Variants in TEP1 observed in about 807,000 individuals in gnomAD.
TEP1 encodes the protein telomerase associated protein 1.
TEP1 carries 241 observed loss-of-function variants against 306.3 expected under a neutral mutation model. The ratio of observed to expected loss-of-function variants is 0.79; its 90% CI spans 0.71 to 0.88. The LOEUF is 0.88. TEP1 is among the 40% of genes least tolerant of loss of function. The pLI is 0.00. For synonymous variants in TEP1, 1,289 were observed against 1,305.5 expected (o/e 0.99, Z 0.27); for missense variants, 3,051 against 3,276.1 (o/e 0.93, Z 1.68).
Position 20,401,019 on chromosome 14 carries a change from C to G in TEP1, c.1514G>C (p.Arg505Pro), listed in dbSNP as rs770292837. 2 of 1,614,200 alleles carry G rather than the reference C, an allele frequency of 1.2e-6. No homozygotes were observed. Among genetic ancestry groups the G allele is most frequent in the Non-Finnish European group, 1.7e-6 (2 of 1,180,046 alleles). Residue 505 changes from arginine (R) to proline (P), a missense_variant, in exon 9 of 55, where the codon CGG becomes CCG. Coordinates refer to ENST00000262715, the MANE Select transcript of TEP1 (RefSeq NM_007110.5). ...CTCCCAGACCGACGCTTTGTTCCCC[C>G]GTAGGCTCAGCTCCCGCTCCCAGGT... ...PETWERELSL[R>P]GNKASVWEEL... is the part of the protein sequence containing the mutation.
At chr14:20,408,703 C>T (rs747860112) in intron 1 of TEP1, among the ~76,000 whole-genome samples, 15 of 152,118 alleles carry the variant, frequency 9.9e-5, no homozygotes, top group Non-Finnish European at 1.6e-4. Context: ...TGCAGTGGCT[C>T]ATGCCTGTAA....
chr14:20,395,464 T>C lies in TEP1; in HGVS notation c.1914A>G (p.Arg638=). The change falls in exon 12 of 55, where the codon AGA becomes AGG. Residue 638 remains arginine, a synonymous_variant. Coordinates refer to ENST00000262715, the MANE Select transcript of TEP1 (RefSeq NM_007110.5). ...TGCATACATACCTGGCCTTGTGTAC[T>C]CTCAGCTTCTCCCTCTTGAGCTGCT... ...LYEQLKREKL[R]VHKARQWKYD... is the part of the protein sequence containing the mutation. The C allele has an allele frequency of 6.3e-7, 1 of 1,598,366 alleles. No homozygotes were observed. The highest frequency in any genetic ancestry group is 8.6e-7 in the Non-Finnish European group (1 of 1,167,896).
In TEP1 at chr14:20,385,121, A is replaced by G. The variant is rs1485312169; in HGVS notation, c.2983-12T>C. The G allele has an allele frequency of 9.3e-6, 15 of 1,613,468 alleles. No individual in the cohort carries two copies. In the African/African-American group the frequency reaches 1.2e-4, roughly 13 times the overall value. ...GGGTACTGCTGGGCCTGCGGGGAGG[A>G]CAGAGACAGTGAGTTTAGTCCTAGG... On this transcript the variant is annotated splice_polypyrimidine_tract_variant and intron_variant, in intron 20 of 54. Transcript: ENST00000262715.
chr14:20,405,664 A>G, intron 3 of TEP1, 79 bp from the exon 4 acceptor site: 1 of 1,529,860 alleles, frequency 6.5e-7, no homozygotes, highest in Non-Finnish European at 8.8e-7. Flanking sequence ...ACTAACTTAC[A>G]AAGTCAAGGA....
At chr14:20,398,591 A>G (rs536689558) in intron 9 of TEP1, among the ~76,000 whole-genome samples, 4 of 152,194 alleles carry the variant, frequency 2.6e-5, no homozygotes, top group Admixed American at 1.3e-4. Flanking sequence ...CGTAACACAT[A>G]ACACTGTATC....
chr14:20,374,575 T>A (rs1248940051), intron 43 of TEP1, 39 bp from the exon 44 acceptor site: 29 of 1,489,292 alleles, frequency 1.9e-5, no homozygotes, highest in Middle Eastern at 1.7e-4. Context: ...ATTATCAGCA[T>A]CCCTCCAGCA....
Position 20,383,260 on chromosome 14 carries a change from G to C in TEP1, c.3961C>G (p.Leu1321Val), listed in dbSNP as rs750642658. Residue 1321 changes from leucine (L) to valine (V), a missense_variant, in exon 27 of 55, where the codon CTG (leucine) becomes GTG (valine). Transcript: ENST00000262715. ...QGAHVLALGP[L>V]EASARARLVR... ...AGCCGGGCCCGAGCAGAGGCCTCCA[G>C]AGGCCCCAAGGCCAGCACGTGGGCA... 6.2e-7 allele frequency: 1 copy of C among 1,613,998 alleles called. No individual in the cohort carries two copies. The highest frequency in any genetic ancestry group is 1.1e-5 in the South Asian group (1 of 91,044).
Position 20,378,391 on chromosome 14 carries a change from T to C in TEP1, c.5497A>G (p.Lys1833Glu). 1 of 1,614,244 alleles carries C rather than the reference T, an allele frequency of 6.2e-7. No homozygotes were observed. Among genetic ancestry groups the C allele is most frequent in the Non-Finnish European group, 8.5e-7 (1 of 1,180,044 alleles). Residue 1833 changes from lysine to glutamate, a missense_variant, in exon 38 of 55, where the codon AAA (lysine) becomes GAA (glutamate). Transcript: ENST00000262715. ...SISFFQVDGLKVTKDLGAPGA... is the reference protein window; with the variant it reads ...SISFFQVDGLEVTKDLGAPGA... ...CTGGACCTTCTTACCTTGGTGACTT[T>C]GAGCCCATCCACCTGGAAGAAGCTG...
Position 20,373,789 on chromosome 14 carries a change from T to C in TEP1, c.6493A>G (p.Ser2165Gly). 1 of 1,613,486 alleles carries C rather than the reference T, an allele frequency of 6.2e-7. No individual in the cohort carries two copies. Among genetic ancestry groups the C allele is most frequent in the Admixed American group, 1.7e-5 (1 of 60,016 alleles). ...AAVEEHVVSV[S>G]RDGTLKVWDH... ...CACACTTTCAAGGTCCCATCCCGGC[T>C]CACAGACACCACGTGCTCCTCCTGC... is the stretch of plus-strand genomic sequence containing the variant. Residue 2165 changes from serine to glycine, a missense_variant, in exon 45 of 55, where the codon AGC becomes GGC. Transcript: ENST00000262715.
rs1428276266 is a variant in TEP1 at position 20,407,963 on chromosome 14, A to G, written c.477T>C (p.Ala159=). 1.9e-5 allele frequency: 30 copies of G among 1,614,244 alleles called. No individual in the cohort carries two copies. Among genetic ancestry groups the G allele is most frequent in the Non-Finnish European group, 2.5e-5 (30 of 1,180,048 alleles). The change falls in exon 2 of 55, where the codon GCT becomes GCC. Residue 159 remains alanine, a synonymous_variant. Transcript: ENST00000262715. ...CLLSEPPSWR[A]QHFSKGLDLS... ...GGTCTAGTCCCTTAGAGAAATGCTG[A>G]GCCCTCCAACTTGGAGGCTCAGAGA...
intron 12 of TEP1, among the ~76,000 whole-genome samples, chr14:20,394,845 T>G (rs1393527311): frequency 6.6e-6 from 1 of 152,200 alleles, no homozygotes; most frequent in Non-Finnish European, 1.5e-5. Context: ...AGGAGATTCC[T>G]AGTTACTGAG....
chr14:20,387,362 C>T (rs866178183), intron 18 of TEP1, among the ~76,000 whole-genome samples: 173 of 150,176 alleles, frequency 1.2e-3, no homozygotes, highest in African/African-American at 4.0e-3. Flanking sequence ...GCCTGTCCAA[C>T]ATGACGAAAC....
chr14:20,382,677 C>T lies in TEP1; in HGVS notation c.4086G>A (p.Pro1362=), dbSNP rs752974270. Residue 1362 remains proline (P), a synonymous_variant, in exon 28 of 55, where the codon CCG becomes CCA. Coordinates refer to ENST00000262715, the MANE Select transcript of TEP1 (RefSeq NM_007110.5). ...GATCGGTGACCAAGCGCAGGTAGAG[C>T]GGCCGGCCTGATTCCCGCTTCACCA... ...LLLVKRESGR[P]LYLRLVTDHL... is the part of the protein sequence containing the mutation. The T allele has an allele frequency of 1.5e-5, 25 of 1,613,916 alleles. No individual in the cohort carries two copies. Among genetic ancestry groups the T allele is most frequent in the African/African-American group, 2.7e-5 (2 of 74,876 alleles).
chr14:20,381,572 C>T lies in TEP1; in HGVS notation c.4539G>A (p.Thr1513=), dbSNP rs140821977. The T allele has an allele frequency of 1.4e-5, 23 of 1,613,658 alleles. No individual in the cohort carries two copies. Among genetic ancestry groups the T allele is most frequent in the South Asian group, 4.4e-5 (4 of 91,086 alleles). ...AATCACCTGCAATGAGGATGTGTGC[C>T]GTGTCCTCTAGCCCTGGCCTCTTCC... ...CYGKRPGLED[T]AHILIAAQLW... The change falls in exon 31 of 55, where the codon ACG becomes ACA. Residue 1513 remains threonine (T), a synonymous_variant. Coordinates refer to ENST00000262715, the MANE Select transcript of TEP1 (RefSeq NM_007110.5). This position sits in a 1 kb window ranked among gnomAD's most constrained non-coding sequence, Gnocchi z 4.0.
At chr14:20,382,553 G>C in intron 28 of TEP1, 70 bp downstream of exon 28, 1 of 1,586,830 alleles carries the variant, frequency 6.3e-7, no homozygotes, top group Admixed American at 1.7e-5. Context: ...CGTGGGATAG[G>C]GATGAGACAA....
At chr14:20,382,484 G>A in intron 28 of TEP1, 128 bp from the exon 29 acceptor site, 4 of 1,526,472 alleles carry the variant, frequency 2.6e-6, no homozygotes, top group Non-Finnish European at 3.6e-6. Flanking sequence ...CAGTAGGAGG[G>A]AAGTGAGGCG....
At chr14:20,370,257 T>C (rs1713447) in intron 51 of TEP1, among the ~76,000 whole-genome samples, 43,264 of 152,134 alleles carry the variant, frequency 0.28, 6,696 homozygotes, top group African/African-American at 0.39. Flanking sequence ...TATTTTTACA[T>C]GTGCATCCAC....
intron 5 of TEP1, among the ~76,000 whole-genome samples, chr14:20,404,353 CTCCAAAAAAAAAAAAAAAAAGCATGAGG>C (rs1879000114): frequency 7.9e-6 from 1 of 127,146 alleles, no homozygotes; most frequent in East Asian, 2.2e-4. Context: ...GAAACTCCGT[CTCCAAAAAAAAAAAAAAAAAGCATGAGG>C]TCCAGAATAA....
At chr14:20,406,595 C>G (rs1328597737) in intron 2 of TEP1, among the ~76,000 whole-genome samples, 195 bp from the exon 3 acceptor site, 1 of 152,244 alleles carries the variant, frequency 6.6e-6, no homozygotes. Context: ...CCTTGCTCTA[C>G]TCAACCTTCA....
Sources: gnomAD v4.1 joint callset for allele counts (sites outside exome capture counted in the v4.1 genomes callset) on GRCh38, gnomAD v4.1.1 for gene constraint, Gnocchi (gnomAD v3.1) non-coding constraint, MANE v1.5 for transcripts, NCBI Gene and HGNC (gene_info 2026-07-23, HGNC 2026-07-21) for gene names.